ELMO1: variants seen among roughly 807,000 people sequenced by gnomAD.
ELMO1 encodes engulfment and cell motility 1.
Under a neutral mutation model 98.9 loss-of-function variants are expected in ELMO1, and 26 were observed. That is an observed-to-expected ratio of 0.26 (90% CI 0.19 to 0.36). The LOEUF (loss-of-function observed/expected upper bound fraction) is 0.36. ELMO1 is among the 10% of genes least tolerant of loss of function. ELMO1 has a pLI of 1.00. For synonymous variants in ELMO1, 346 were observed against 346.0 expected, an observed-to-expected ratio of 1.00 and a Z score of 0.00; for missense variants, 627 against 935.2, an observed-to-expected ratio of 0.67 and a Z score of 4.30.
At chr7:37,292,920 G>A (rs1289523075) in intron 4 of ELMO1, among the ~76,000 whole-genome samples, 2 of 52,554 alleles carry the variant, frequency 3.8e-5, no homozygotes, top group African/African-American at 5.5e-5. Context: ...GGGAGGTGGC[G>A]GGGTCAGTCC....
intron 16 of ELMO1, among the ~76,000 whole-genome samples, chr7:37,011,059 T>C (rs1438885139): frequency 6.6e-6 from 1 of 152,196 alleles, no homozygotes; most frequent in Non-Finnish European, 1.5e-5. Context: ...TACTTGGCAA[T>C]AGAGGTGTGA....
chr7:37,398,290 A>G (rs1009748732), intron 1 of ELMO1, among the ~76,000 whole-genome samples: 5 of 152,308 alleles, frequency 3.3e-5, no homozygotes, highest in Non-Finnish European at 7.3e-5. Context: ...GTAAAGATGT[A>G]CTAACTTTTA....
At chr7:36,922,946 G>T (rs1246645545) in intron 16 of ELMO1, among the ~76,000 whole-genome samples, 2 of 152,158 alleles carry the variant, frequency 1.3e-5, no homozygotes, top group Non-Finnish European at 2.9e-5. Context: ...CCAGCAAAGT[G>T]GTCATGGAGG....
intron 17 of ELMO1, among the ~76,000 whole-genome samples, chr7:36,890,454 C>A (rs576376973): frequency 1.3e-5 from 2 of 152,168 alleles, no homozygotes; most frequent in Non-Finnish European, 2.9e-5. Flanking sequence ...TTGGACGTCT[C>A]GTAGCTTCAC....
chr7:37,306,823 T>C (rs1798637410), intron 4 of ELMO1, among the ~76,000 whole-genome samples: 1 of 152,184 alleles, frequency 6.6e-6, no homozygotes, highest in Non-Finnish European at 1.5e-5. Flanking sequence ...TTCTAGGGTG[T>C]ATAAATCTTA....
intron 2 of ELMO1, among the ~76,000 whole-genome samples, chr7:37,333,077 T>C (rs887240685): frequency 3.3e-5 from 5 of 152,154 alleles, no homozygotes; most frequent in Non-Finnish European, 5.9e-5. Context: ...ATGAATGCAT[T>C]TGATGGAAAG....
chr7:37,147,497 C>T (rs1042041351), intron 13 of ELMO1, among the ~76,000 whole-genome samples: 1 of 152,158 alleles, frequency 6.6e-6, no homozygotes, highest in African/African-American at 2.4e-5. Flanking sequence ...CCAAGTGTCA[C>T]TAAGGGAATA....
chr7:37,142,436 C>T (rs1455781878), intron 13 of ELMO1, among the ~76,000 whole-genome samples: 1 of 152,172 alleles, frequency 6.6e-6, no homozygotes, highest in Admixed American at 6.5e-5. Context: ...CTATTCTTAT[C>T]CCGGTTCTAC....
intron 12 of ELMO1, among the ~76,000 whole-genome samples, chr7:37,212,933 T>A (rs915670639): frequency 1.6e-4 from 24 of 152,088 alleles, no homozygotes; most frequent in African/African-American, 5.8e-4. Context: ...TTGGCACTGA[T>A]CCCTGGAGAA....
At chr7:37,303,903 T>C (rs926373394) in intron 4 of ELMO1, among the ~76,000 whole-genome samples, 19 of 152,218 alleles carry the variant, frequency 1.2e-4, no homozygotes, top group Non-Finnish European at 2.2e-4. Context: ...CATCTTGTTA[T>C]AGCCTCTATC....
intron 14 of ELMO1, among the ~76,000 whole-genome samples, chr7:37,119,502 T>G (rs1785850849): frequency 6.6e-6 from 1 of 152,222 alleles, no homozygotes; most frequent in Non-Finnish European, 1.5e-5. Flanking sequence ...TCCCAACTAT[T>G]TTTTGTAAGT....
At chr7:37,175,464 C>A (rs1180613518) in intron 13 of ELMO1, among the ~76,000 whole-genome samples, 1 of 152,204 alleles carries the variant, frequency 6.6e-6, no homozygotes, top group African/African-American at 2.4e-5. Flanking sequence ...ACGGGCGGCC[C>A]ACCATGGAGT....
chr7:36,948,694 A>G (rs1405588626), intron 16 of ELMO1, among the ~76,000 whole-genome samples: 1 of 152,192 alleles, frequency 6.6e-6, no homozygotes, highest in Non-Finnish European at 1.5e-5. Flanking sequence ...GAAGAAGGAA[A>G]CTGAGGGCTA....
intron 16 of ELMO1, among the ~76,000 whole-genome samples, chr7:36,914,905 A>G: frequency 4.2e-5 from 2 of 47,738 alleles, no homozygotes; most frequent in Middle Eastern, 0.018. Flanking sequence ...GATTTCAGAA[A>G]TTCAGAAATT....
chr7:37,343,355 G>A (rs2131263804), intron 1 of ELMO1, among the ~76,000 whole-genome samples: 1 of 152,060 alleles, frequency 6.6e-6, no homozygotes, highest in South Asian at 2.1e-4. Context: ...GTGGGGGTGG[G>A]GCAGAAAATG....
intron 1 of ELMO1, among the ~76,000 whole-genome samples, chr7:37,414,457 C>G (rs1160306166): frequency 2.6e-5 from 4 of 152,226 alleles, no homozygotes; most frequent in Admixed American, 6.5e-5. Flanking sequence ...ATCCAGGTCA[C>G]TGGCTATGGT....
rs995478777 is a variant in ELMO1, at chr7:37,023,693, C to T, written c.1301-10258G>A. Among the ~76,000 whole-genome samples, 11 of 152,258 alleles carry T rather than the reference C, an allele frequency of 7.2e-5. No individual in the cohort carries two copies. The East Asian group carries it at 1.4e-3, about 19-fold the overall frequency. On this transcript the variant is annotated intron_variant, in intron 15 of 21. Transcript: ENST00000310758. ...CACTATCTCGGCTCACTGCAACCCC[C>T]GCATCCTGGATTCAAGTGCTGGGAT...
At chr7:37,078,696 G>A (rs1797711219) in intron 15 of ELMO1, among the ~76,000 whole-genome samples, 2 of 152,094 alleles carry the variant, frequency 1.3e-5, no homozygotes, top group South Asian at 2.1e-4. Flanking sequence ...GAATTACAAG[G>A]ATGTTCATCA....
chr7:37,289,586 C>T (rs1465065384), intron 4 of ELMO1, among the ~76,000 whole-genome samples: 1 of 152,156 alleles, frequency 6.6e-6, no homozygotes, highest in African/African-American at 2.4e-5. Flanking sequence ...CCCAGAAATG[C>T]ACCTGCTCCA....
Sources: gnomAD v4.1 joint callset for allele counts (sites outside exome capture counted in the v4.1 genomes callset) on GRCh38, gnomAD v4.1.1 for gene constraint, MANE v1.5 for transcripts, NCBI Gene and HGNC (gene_info 2026-07-23, HGNC 2026-07-21) for gene names.